The following EIF4G1 variants were observed in gnomAD, a reference collection of about 807,000 sequenced individuals.
The protein encoded by EIF4G1 is EIF4-gamma.
Under a neutral mutation model 187.8 loss-of-function variants are expected in EIF4G1, and 4 were observed. The observed-to-expected ratio is 0.02, with a 90% CI of 0.01 to 0.05. The LOEUF (loss-of-function observed/expected upper bound fraction) is 0.05, where lower values mean the gene tolerates loss of function less well. Among genes scored for constraint, EIF4G1 ranks in the 10% least tolerant of loss-of-function variants. EIF4G1 has a pLI of 1.00. For missense variants in EIF4G1, 1,647 were observed against 2,081.1 expected, an observed-to-expected ratio of 0.79 and a Z score of 4.06; for synonymous variants, 844 against 781.4, an observed-to-expected ratio of 1.08 and a Z score of -1.34.
intron 28 of EIF4G1, 68 bp from the exon 29 acceptor site, chr3:184,331,198 G>GT: frequency 4.6e-6 from 7 of 1,510,856 alleles, no homozygotes; most frequent in Non-Finnish European, 6.4e-6. Context: ...TTGGATTAAT[G>GT]TGGTAGAGCT....
At position 184,321,938 on chromosome 3, in the gene EIF4G1, G is replaced by C; in HGVS notation, c.1354G>C (p.Ala452Pro). The change falls in exon 10 of 33, where the codon GCT becomes CCT. Residue 452 changes from alanine (A) to proline (P), a missense_variant. Around this residue, in one of 11 missense-constraint regions of EIF4G1, gnomAD observed 522 missense variants for 485.2 expected, o/e 1.08. Transcript: ENST00000346169. ...TACGGCTCCTTCAGCTACTTCCCCAGCTCAGGAGGAGGAAATGGAAGAAGA... is the reference window on the plus strand; with the variant it reads ...TACGGCTCCTTCAGCTACTTCCCCACCTCAGGAGGAGGAAATGGAAGAAGA... ...PATAPSATSP[A>P]QEEEMEEEEE... 1 of 1,614,156 alleles carries C rather than the reference G, an allele frequency of 6.2e-7. No individual in the cohort carries two copies. Among genetic ancestry groups the C allele is most frequent in the South Asian group, 1.1e-5 (1 of 91,086 alleles).
chr3:184,331,734 C>G lies in EIF4G1; in HGVS notation c.4402C>G (p.Leu1468Val), dbSNP rs1419790255. ...ATTTGTTTCTCCCATACAGGCCAAC[C>G]TGAGTGAGCAGCAGATAGTATCCAA... ...QRVFDWIEAN[L>V]SEQQIVSNTL... The change falls in exon 31 of 33, where the codon CTG (leucine) becomes GTG (valine). Residue 1468 changes from leucine to valine, a missense_variant. Coordinates refer to ENST00000346169, the MANE Select transcript of EIF4G1 (RefSeq NM_198241.3). 2 of 1,614,064 alleles carry G rather than the reference C, an allele frequency of 1.2e-6. No individual in the cohort carries two copies. Among genetic ancestry groups the G allele is most frequent in the Non-Finnish European group, 1.7e-6 (2 of 1,180,036 alleles).
intron 7 of EIF4G1, 24 bp downstream of exon 7, chr3:184,319,825 G>A (rs373521434): frequency 1.3e-6 from 2 of 1,484,054 alleles, no homozygotes; most frequent in Non-Finnish European, 1.9e-6. Flanking sequence ...AGGGGCTCCG[G>A]GACATCTGGG....
intron 22 of EIF4G1, 84 bp from the exon 23 acceptor site, chr3:184,326,797 G>A: frequency 6.4e-7 from 1 of 1,563,382 alleles, no homozygotes; most frequent in Non-Finnish European, 8.8e-7. Context: ...TTGGGACTGG[G>A]ACCAAGTGTC....
chr3:184,325,266 T>C lies in EIF4G1; in HGVS notation c.2857-3T>C, dbSNP rs769199284. 2 of 1,614,166 alleles carry C rather than the reference T, an allele frequency of 1.2e-6. No individual in the cohort carries two copies. The highest frequency in any genetic ancestry group is 1.1e-5 in the South Asian group (1 of 91,086). On this transcript the variant is annotated splice_polypyrimidine_tract_variant and splice_region_variant and intron_variant, in intron 18 of 32. Coordinates refer to ENST00000346169, the MANE Select transcript of EIF4G1 (RefSeq NM_198241.3). This position sits in a 1 kb window ranked among gnomAD's most constrained non-coding sequence, Gnocchi z 5.2. ...CCTGGTCTGATGCCTTTCTCCTTCC[T>C]AGCCCCGAATGGATCAGTATTTCAA... is the stretch of plus-strand genomic sequence containing the variant.
Position 184,318,485 on chromosome 3 carries a change from C to T in EIF4G1, c.424+669C>T, listed in dbSNP as rs913405132. Among the ~76,000 whole-genome samples the T allele has an allele frequency of 2.6e-5, 4 of 152,074 alleles. No individual in the cohort carries two copies. The East Asian group carries it at 7.7e-4, about 29-fold the overall frequency. ...ATTTGAGGGGGGCTGAGCACGGTGG[C>T]TCACGCCTGTAGTCCCAGCACTTTG... On this transcript the variant is annotated intron_variant, in intron 6 of 32. Coordinates refer to ENST00000346169, the MANE Select transcript of EIF4G1 (RefSeq NM_198241.3).
chr3:184,323,025 GA>G lies in EIF4G1; in HGVS notation c.1930-55del. The G allele has an allele frequency of 6.2e-7, 1 of 1,614,194 alleles. No homozygotes were observed. Among genetic ancestry groups the G allele is most frequent in the South Asian group, 1.1e-5 (1 of 91,080 alleles). On this transcript the variant is annotated intron_variant, in intron 13 of 32. Transcript: ENST00000346169. This position sits in a 1 kb window ranked among gnomAD's most constrained non-coding sequence, Gnocchi z 6.9. The stretch of plus-strand genomic sequence containing the variant: ...GGATTGGGGAGGAGCCTGAGGTCCT[GA>G]AAGAGTAGTCAACCGCTCTAGCCTG...
rs571849011 is a variant in EIF4G1 at position 184,317,349 on chromosome 3, C to T, written c.176C>T (p.Pro59Leu). The T allele has an allele frequency of 2.7e-5, 44 of 1,614,056 alleles. No homozygotes were observed. The highest frequency in any genetic ancestry group is 1.6e-4 in the South Asian group (15 of 91,082). ...TTCTACCCTAGCCGGGCCCAGCCCC[C>T]GAGCAGTGCAGCCTCCCGAGTGCAG... ...QHFYPSRAQP[P>L]SSAASRVQSA... The change falls in exon 5 of 33, where the codon CCG becomes CTG. Residue 59 changes from proline (P) to leucine (L), a missense_variant. Physicochemically the swap from Pro to Leu is moderately conservative, Grantham distance 98 (BLOSUM62 -3). Coordinates refer to ENST00000346169, the MANE Select transcript of EIF4G1 (RefSeq NM_198241.3).
chr3:184,327,878 A>G lies in EIF4G1; in HGVS notation c.3829A>G (p.Ile1277Val). 6.2e-7 allele frequency: 1 copy of G among 1,613,906 alleles called. No individual in the cohort carries two copies. The highest frequency in any genetic ancestry group is 8.5e-7 in the Non-Finnish European group (1 of 1,180,022). The change falls in exon 26 of 33, where the codon ATC becomes GTC. Residue 1277 changes from isoleucine (I) to valine (V), a missense_variant. Ile to Val is a conservative substitution (Grantham distance 29). This residue lies in a region of EIF4G1 where 543 missense variants were observed against 638.0 expected (regional missense o/e 0.85). Transcript: ENST00000346169. ...QELASPSLLF[I>V]FVRHGVESTL... The stretch of plus-strand genomic sequence containing the variant: ...GCTGGCCTCACCCTCCTTGCTCTTC[A>G]TCTTTGTACGGCATGGTGTCGAGTC...
chr3:184,330,562 C>CTG, intron 28 of EIF4G1, among the ~76,000 whole-genome samples: 2 of 152,128 alleles, frequency 1.3e-5, no homozygotes, highest in East Asian at 3.9e-4. Context: ...ACTCAGACTG[C>CTG]TGGTTTTATG....
intron 4 of EIF4G1, 66 bp from the exon 5 acceptor site, chr3:184,317,255 G>T: frequency 6.4e-7 from 1 of 1,565,878 alleles, no homozygotes; most frequent in South Asian, 1.1e-5. Context: ...GAGACATTGT[G>T]GAGTGGCAAT....
At chr3:184,333,703 G>A (rs1227276376) in intron 32 of EIF4G1, among the ~76,000 whole-genome samples, 1 of 152,222 alleles carries the variant, frequency 6.6e-6, no homozygotes, top group African/African-American at 2.4e-5. Flanking sequence ...AAATACTTAA[G>A]TGAGACAGAA....
chr3:184,324,400 C>T, intron 17 of EIF4G1, 53 bp downstream of exon 17: 1 of 1,612,176 alleles, frequency 6.2e-7, no homozygotes, highest in Non-Finnish European at 8.5e-7. Context: ...CTTCCCTTAC[C>T]CAGATGCTAC....
chr3:184,324,078 C>T (rs971611385), intron 16 of EIF4G1, 101 bp downstream of exon 16: 26 of 1,605,838 alleles, frequency 1.6e-5, no homozygotes, highest in Non-Finnish European at 2.1e-5. Context: ...ACTTGTGCCT[C>T]TTCCAGCTGG....
At position 184,320,927 on chromosome 3, in the gene EIF4G1, A is replaced by C. The variant is rs1723788554; in HGVS notation, c.631A>C (p.Thr211Pro). ...CTTGGTAACCCTTTGTGTCCTGCAG[A>C]CGGGAGGCGGTCTGGAGCCTCAAGC... ...RTASTPTPPQ[T>P]GGGLEPQANG... Residue 211 changes from threonine to proline, a missense_variant and splice_region_variant, in exon 9 of 33, where the codon ACG (threonine) becomes CCG (proline). Thr to Pro is a conservative substitution (Grantham distance 38). Coordinates refer to ENST00000346169, the MANE Select transcript of EIF4G1 (RefSeq NM_198241.3). The C allele has an allele frequency of 6.2e-7, 1 of 1,614,086 alleles. No individual in the cohort carries two copies. Among genetic ancestry groups the C allele is most frequent in the South Asian group, 1.1e-5 (1 of 91,084 alleles).
At position 184,323,141 on chromosome 3, in the gene EIF4G1, G is replaced by C; in HGVS notation, c.1988G>C (p.Gly663Ala). ...ACTAGACTACAAGGCATAAATTGTG[G>C]CCCAGACTTCACTCCATCCTTTGCC... is the stretch of plus-strand genomic sequence containing the variant. The part of the protein sequence containing the change: ...DPTRLQGINC[G>A]PDFTPSFANL... Residue 663 changes from glycine (G) to alanine (A), a missense_variant, in exon 14 of 33, where the codon GGC becomes GCC. By Grantham distance (60) the Gly-to-Ala change is moderately conservative. This residue lies in a region of EIF4G1 where 140 missense variants were observed against 222.2 expected (regional missense o/e 0.63). Coordinates refer to ENST00000346169, the MANE Select transcript of EIF4G1 (RefSeq NM_198241.3). The surrounding 1 kb of genome is among the most constrained non-coding windows in gnomAD (Gnocchi z 6.9). The C allele has an allele frequency of 6.2e-7, 1 of 1,614,184 alleles. No individual in the cohort carries two copies. Among genetic ancestry groups the C allele is most frequent in the South Asian group, 1.1e-5 (1 of 91,084 alleles).
At position 184,326,561 on chromosome 3, in the gene EIF4G1, C is replaced by T. The variant is rs1724957690; in HGVS notation, c.3257C>T (p.Ala1086Val). Reference sequence around the variant, plus strand: ...ATCGATTCTAACAACCAGCTCTTTGCACCTGGAGGGCGACTGAGCTGGGGC... The same window carrying T: ...ATCGATTCTAACAACCAGCTCTTTGTACCTGGAGGGCGACTGAGCTGGGGC... ...GSIDSNNQLFAPGGRLSWGKG... is the reference protein window; with the variant it reads ...GSIDSNNQLFVPGGRLSWGKG... Residue 1086 changes from alanine to valine, a missense_variant, in exon 22 of 33, where the codon GCA becomes GTA. Ala to Val is a moderately conservative substitution (Grantham distance 64). Around this residue, in one of 11 missense-constraint regions of EIF4G1, gnomAD observed 142 missense variants for 296.6 expected, o/e 0.48. Transcript: ENST00000346169. The T allele has an allele frequency of 6.2e-7, 1 of 1,613,510 alleles. No individual in the cohort carries two copies. Among genetic ancestry groups the T allele is most frequent in the Admixed American group, 1.7e-5 (1 of 59,990 alleles).
At chr3:184,319,839 G>A (rs1234902917) in intron 7 of EIF4G1, 38 bp downstream of exon 7, 1 of 1,429,096 alleles carries the variant, frequency 7.0e-7, no homozygotes, top group Non-Finnish European at 9.7e-7. Context: ...ATCTGGGAAG[G>A]GGAGAATCAA....
chr3:184,315,553 A>G lies in EIF4G1; in HGVS notation c.-35+8A>G. The G allele has an allele frequency of 1.3e-6, 1 of 754,298 alleles. No homozygotes were observed. The allele number at this position is 754,298 out of a possible 1,614,324, so 46.7% of individuals were successfully genotyped here. A position where few individuals can be genotyped will look rare whatever the true frequency, so the allele number is the denominator to read the frequency against. On this transcript the variant is annotated splice_region_variant and intron_variant, in intron 2 of 32. Coordinates refer to ENST00000346169, the MANE Select transcript of EIF4G1 (RefSeq NM_198241.3). The stretch of plus-strand genomic sequence containing the variant: ...TTGTTCTTAATCGAGGGGGTGAGTG[A>G]GGGGTCTGTTTCAGTAGGTCAGGGG...
Sources: gnomAD v4.1 joint callset for allele counts (sites outside exome capture counted in the v4.1 genomes callset) on GRCh38, gnomAD v4.1.1 for gene constraint, gnomAD v4.1.1 regional missense constraint, Gnocchi (gnomAD v3.1) non-coding constraint, MANE v1.5 for transcripts, NCBI Gene and HGNC (gene_info 2026-07-23, HGNC 2026-07-21) for gene names.